The following CLUL1 variants were observed in gnomAD, a reference collection of about 807,000 sequenced individuals.
CLUL1 encodes clusterin like 1.
In CLUL1, 43 loss-of-function variants were observed where a neutral mutation model predicts 49.4. The ratio of observed to expected loss-of-function variants is 0.87; its 90% CI spans 0.68 to 1.12. CLUL1 has a LOEUF of 1.12. CLUL1 is among the 50% of genes most tolerant of loss of function. The pLI is 0.00. For missense variants in CLUL1, 486 were observed against 544.4 expected, an observed-to-expected ratio of 0.89 and a Z score of 1.07; for synonymous variants, 192 against 184.9, an observed-to-expected ratio of 1.04 and a Z score of -0.31.
intron 2 of CLUL1, among the ~76,000 whole-genome samples, chr18:609,274 T>C (rs917185928): frequency 3.3e-5 from 5 of 152,168 alleles, no homozygotes; most frequent in African/African-American, 1.2e-4. Flanking sequence ...TGTCTTTCAT[T>C]CCTGATTCCG....
At position 627,198 on chromosome 18, in the gene CLUL1, A is replaced by C; in HGVS notation, c.525A>C (p.Ala175=). ...GTGAAAAGCTCATTGAGGAAGATGC[A>C]CAATTGACCCAAATGGAGGATGTGT... ...PISEKLIEED[A]QLTQMEDVFS... is the part of the protein sequence containing the mutation. Residue 175 remains alanine (A), a synonymous_variant, in exon 6 of 10, where the codon GCA becomes GCC. Coordinates refer to ENST00000692774, the MANE Select transcript of CLUL1 (RefSeq NM_001393344.1). The C allele has an allele frequency of 6.2e-7, 1 of 1,613,844 alleles. No homozygotes were observed. The highest frequency in any genetic ancestry group is 8.5e-7 in the Non-Finnish European group (1 of 1,179,902).
chr18:616,136 G>A (rs116537238), intron 2 of CLUL1, among the ~76,000 whole-genome samples: 1 of 152,164 alleles, frequency 6.6e-6, no homozygotes, highest in African/African-American at 2.4e-5. Flanking sequence ...TGTCTAAGTT[G>A]TTTTTAAATG....
At chr18:614,982 A>C (rs1280664413) in intron 2 of CLUL1, among the ~76,000 whole-genome samples, 2 of 152,244 alleles carry the variant, frequency 1.3e-5, no homozygotes, top group Admixed American at 1.3e-4. Flanking sequence ...CCAAGCCTGA[A>C]CTTAGCAACA....
intron 6 of CLUL1, 180 bp downstream of exon 6, chr18:627,709 T>C: frequency 2.0e-6 from 1 of 502,114 alleles, no homozygotes; most frequent in Non-Finnish European, 3.5e-6. Flanking sequence ...ACCATCCCTC[T>C]TCCATCATCG....
chr18:639,270 C>CA (rs1304127690), intron 7 of CLUL1, among the ~76,000 whole-genome samples: 10 of 148,238 alleles, frequency 6.7e-5, no homozygotes, highest in Admixed American at 1.4e-4. Context: ...ATTAAAAATA[C>CA]AAAAAAAAAT....
chr18:597,047 C>T lies in CLUL1; in HGVS notation c.-218C>T, dbSNP rs980577767. The T allele has an allele frequency of 1.3e-5, 2 of 152,760 alleles. No individual in the cohort carries two copies. The highest frequency in any genetic ancestry group is 2.9e-5 in the Non-Finnish European group (2 of 68,128). 9.5% of individuals were successfully genotyped at this position (152,760 alleles called of 1,614,324 possible). A position where few individuals can be genotyped will look rare whatever the true frequency, so the allele number is the denominator to read the frequency against. Reference sequence around the variant, plus strand: ...TGGTTTCCACCCTGGAGGTTGCTGACACCCTGTGCCCTCGGCTGACTTCCA... The same window carrying T: ...TGGTTTCCACCCTGGAGGTTGCTGATACCCTGTGCCCTCGGCTGACTTCCA... On this transcript the variant is annotated 5_prime_UTR_variant, in exon 1 of 10. Transcript: ENST00000692774.
At chr18:639,260 A>G (rs1451775131) in intron 7 of CLUL1, among the ~76,000 whole-genome samples, 2 of 150,796 alleles carry the variant, frequency 1.3e-5, no homozygotes, top group Non-Finnish European at 3.0e-5. Context: ...CCCCATCTCT[A>G]TTAAAAATAC....
At chr18:640,813 TATAAA>T (rs1216716974) in intron 7 of CLUL1, among the ~76,000 whole-genome samples, 1 of 152,220 alleles carries the variant, frequency 6.6e-6, no homozygotes, top group Admixed American at 6.5e-5. Context: ...TACTGATAAA[TATAAA>T]ATATTTTCCA....
intron 2 of CLUL1, among the ~76,000 whole-genome samples, chr18:616,007 G>C (rs2073277955): frequency 6.6e-6 from 1 of 152,210 alleles, no homozygotes; most frequent in Non-Finnish European, 1.5e-5. Flanking sequence ...TGAGTACATA[G>C]TAAGGATGGA....
At chr18:597,254 G>C (rs1287143531) in intron 1 of CLUL1, 125 bp downstream of exon 1, 2 of 152,686 alleles carry the variant, frequency 1.3e-5, no homozygotes, top group African/African-American at 4.8e-5. Flanking sequence ...CCTCCGGCGC[G>C]GACAGAACAA....
At chr18:611,407 G>T (rs536579033) in intron 2 of CLUL1, among the ~76,000 whole-genome samples, 1 of 151,930 alleles carries the variant, frequency 6.6e-6, no homozygotes, top group Non-Finnish European at 1.5e-5. Flanking sequence ...GAATTAAAAG[G>T]ATTAGGAGGG....
intron 8 of CLUL1, among the ~76,000 whole-genome samples, chr18:642,523 A>G (rs1252805267): frequency 6.6e-6 from 1 of 152,250 alleles, no homozygotes; most frequent in Non-Finnish European, 1.5e-5. Context: ...CATAACATGC[A>G]AGTGACTTTT....
At position 629,126 on chromosome 18, in the gene CLUL1, C is replaced by T. The variant is rs545801830; in HGVS notation, c.856+1597C>T. On this transcript the variant is annotated intron_variant, in intron 6 of 9. Transcript: ENST00000692774. Reference sequence around the variant, plus strand: ...GTGCATTACATCCTTCAGGTGCCATCGTTCCATGAACAGAGAACAGCCATC... The same window carrying T: ...GTGCATTACATCCTTCAGGTGCCATTGTTCCATGAACAGAGAACAGCCATC... Among the ~76,000 whole-genome samples the T allele has an allele frequency of 1.2e-4, 19 of 152,280 alleles. No homozygotes were observed. In the East Asian group the frequency reaches 1.9e-3, roughly 15 times the overall value.
intron 2 of CLUL1, among the ~76,000 whole-genome samples, chr18:610,617 G>A (rs2073106671): frequency 6.6e-6 from 1 of 152,166 alleles, no homozygotes; most frequent in South Asian, 2.1e-4. Flanking sequence ...AAAGCCCCAG[G>A]GAAGAGAAAC....
At chr18:619,104 C>A in intron 3 of CLUL1, 109 bp from the exon 4 acceptor site, 3 of 1,043,870 alleles carry the variant, frequency 2.9e-6, no homozygotes, top group Non-Finnish European at 4.2e-6. Flanking sequence ...AGAATATGAG[C>A]CTATAAGAGA....
chr18:623,481 C>G (rs2073569616), intron 4 of CLUL1, among the ~76,000 whole-genome samples: 1 of 151,908 alleles, frequency 6.6e-6, no homozygotes, highest in South Asian at 2.1e-4. Context: ...TCCGTCTCTA[C>G]TAAACATACA....
In CLUL1 at chr18:627,339, C is replaced by A; in HGVS notation, c.666C>A (p.Asp222Glu). 1.2e-6 allele frequency: 2 copies of A among 1,614,058 alleles called. No homozygotes were observed. Among genetic ancestry groups the A allele is most frequent in the Non-Finnish European group, 1.7e-6 (2 of 1,179,974 alleles). Reference sequence around the variant, plus strand: ...AATCACATTTCATATCAGATACAGACCTAACTGAGCCTTACTTTTTTCCAG... The same window carrying A: ...AATCACATTTCATATCAGATACAGAACTAACTGAGCCTTACTTTTTTCCAG... ...TFQSHFISDT[D>E]LTEPYFFPAF... The change falls in exon 6 of 10, where the codon GAC becomes GAA. Residue 222 changes from aspartate (D) to glutamate (E), a missense_variant. Asp to Glu is a conservative substitution (Grantham distance 45). Coordinates refer to ENST00000692774, the MANE Select transcript of CLUL1 (RefSeq NM_001393344.1).
intron 2 of CLUL1, among the ~76,000 whole-genome samples, chr18:611,894 C>T (rs2073144740): frequency 6.6e-6 from 1 of 151,866 alleles, no homozygotes; most frequent in South Asian, 2.1e-4. Context: ...AGGCCTGTGC[C>T]AGCCAATGGC....
At chr18:634,270 C>T (rs1203117381) in intron 7 of CLUL1, among the ~76,000 whole-genome samples, 1 of 152,116 alleles carries the variant, frequency 6.6e-6, no homozygotes, top group African/African-American at 2.4e-5. Context: ...GCTGGGATTA[C>T]AGGCATGTGC....
Sources: allele counts gnomAD v4.1 joint callset (sites outside exome capture counted in the v4.1 genomes callset), GRCh38; gene constraint gnomAD v4.1.1; transcripts MANE v1.5; gene names NCBI Gene and HGNC (gene_info 2026-07-23, HGNC 2026-07-21).